Variants in TRPM3 observed in about 807,000 individuals in gnomAD.
TRPM3 encodes long transient receptor potential channel 3.
In TRPM3, 77 loss-of-function variants were observed where a neutral mutation model predicts 181.2. The ratio of observed to expected loss-of-function variants is 0.42; its 90% CI spans 0.35 to 0.51. The LOEUF is 0.51. Ranked by LOEUF, TRPM3 falls within the 20% of genes least tolerant of loss-of-function variation. TRPM3 has a pLI of 0.01. For missense variants in TRPM3, 1,759 were observed against 2,196.7 expected (o/e 0.80, Z 3.98); for synonymous variants, 745 against 796.4 (o/e 0.94, Z 1.09).
At chr9:70,549,263 C>T (rs1442638770) in intron 25 of TRPM3, among the ~76,000 whole-genome samples, 1 of 152,164 alleles carries the variant, frequency 6.6e-6, no homozygotes, top group Non-Finnish European at 1.5e-5. Flanking sequence ...AATTTCTGAT[C>T]TGAGCCAGCA....
chr9:71,304,487 T>G (rs996625783), intron 1 of TRPM3, among the ~76,000 whole-genome samples: 1 of 152,170 alleles, frequency 6.6e-6, no homozygotes, highest in African/African-American at 2.4e-5. Context: ...TCAATAAGAA[T>G]TAAGGTTTAC....
intron 1 of TRPM3, among the ~76,000 whole-genome samples, chr9:71,429,052 C>T (rs551548931): frequency 6.6e-6 from 1 of 151,880 alleles, no homozygotes; most frequent in East Asian, 1.9e-4. Context: ...TGGTTAATCT[C>T]ATTTTTGTCC....
In TRPM3 at chr9:71,370,093, T is replaced by G. The variant is rs1483438200; in HGVS notation, c.183+76560A>C. On this transcript the variant is annotated intron_variant, in intron 1 of 24. Coordinates refer to the TRPM3 transcript ENST00000357533. The stretch of plus-strand genomic sequence containing the variant: ...AGTTAATTGATAAATTCGTGTGTTC[T>G]GACTGCTTCATCTATCAGCCATTCC... Among the ~76,000 whole-genome samples the G allele has an allele frequency of 2.6e-5, 4 of 152,228 alleles. No homozygotes were observed. The South Asian group carries it at 6.2e-4, about 24-fold the overall frequency.
chr9:70,893,506 A>G (rs1446108638), intron 1 of TRPM3, among the ~76,000 whole-genome samples: 1 of 152,206 alleles, frequency 6.6e-6, no homozygotes, highest in Non-Finnish European at 1.5e-5. Context: ...AGTATAACAT[A>G]AATATCCAAT....
At chr9:70,816,643 T>C (rs1384781718) in intron 6 of TRPM3, among the ~76,000 whole-genome samples, 1 of 152,194 alleles carries the variant, frequency 6.6e-6, no homozygotes, top group Non-Finnish European at 1.5e-5. Context: ...ACATCAAAAG[T>C]ACAGTGTCAT....
chr9:71,291,681 G>GA (rs1447291737), intron 1 of TRPM3, among the ~76,000 whole-genome samples: 1 of 151,702 alleles, frequency 6.6e-6, no homozygotes, highest in Admixed American at 6.6e-5. Context: ...CCCTACAAAA[G>GA]AAAAAATAAT....
At chr9:71,163,580 T>C (rs878926174) in intron 1 of TRPM3, among the ~76,000 whole-genome samples, 1 of 152,058 alleles carries the variant, frequency 6.6e-6, no homozygotes, top group African/African-American at 2.4e-5. Flanking sequence ...AAACAGAGAG[T>C]TGGACATGTG....
At chr9:71,084,248 C>T (rs760424935) in intron 1 of TRPM3, among the ~76,000 whole-genome samples, 1 of 151,830 alleles carries the variant, frequency 6.6e-6, no homozygotes, top group Non-Finnish European at 1.5e-5. Flanking sequence ...AACAATGAGC[C>T]ACGTAGTATA....
Position 70,784,144 on chromosome 9 carries a change from T to C in TRPM3, c.1109A>G (p.Asp370Gly). Reference protein sequence around the residue: ...VVCDGSGRASDILAFGHKYSE... With the variant: ...VVCDGSGRASGILAFGHKYSE... ...GTATTTATGCCCAAAGGCCAGGATG[T>C]CCGATGCCCGTCCACTCCCATCACA... The change falls in exon 7 of 26, where the codon GAC (aspartate) becomes GGC (glycine). Residue 370 changes from aspartate to glycine, a missense_variant. Physicochemically the swap from Asp to Gly is moderately conservative, Grantham distance 94. Transcript: ENST00000677713. 2.5e-6 allele frequency: 4 copies of C among 1,613,670 alleles called. No individual in the cohort carries two copies. The highest frequency in any genetic ancestry group is 3.4e-6 in the Non-Finnish European group (4 of 1,179,774).
intron 1 of TRPM3, among the ~76,000 whole-genome samples, chr9:71,179,566 A>T (rs1227505470): frequency 6.6e-6 from 1 of 152,186 alleles, no homozygotes; most frequent in East Asian, 1.9e-4. Context: ...TTCTGAACAA[A>T]TTAGATTTTG....
intron 8 of TRPM3, among the ~76,000 whole-genome samples, chr9:70,695,146 A>G (rs1283299698): frequency 1.3e-5 from 2 of 152,100 alleles, no homozygotes. Flanking sequence ...TGTATTTTAT[A>G]CTCTGGCTCA....
chr9:70,923,894 A>G (rs1478820986), intron 1 of TRPM3, among the ~76,000 whole-genome samples: 1 of 150,100 alleles, frequency 6.7e-6, no homozygotes, highest in Non-Finnish European at 1.5e-5. Context: ...ACACACATAT[A>G]TACATACACA....
At chr9:71,423,658 G>T (rs2093815475) in intron 1 of TRPM3, among the ~76,000 whole-genome samples, 2 of 152,036 alleles carry the variant, frequency 1.3e-5, no homozygotes, top group South Asian at 4.1e-4. Context: ...TTGGAACTAT[G>T]AAATTTAAGA....
chr9:70,989,036 A>G (rs2097450350), intron 1 of TRPM3, among the ~76,000 whole-genome samples: 1 of 152,180 alleles, frequency 6.6e-6, no homozygotes, highest in Non-Finnish European at 1.5e-5. Flanking sequence ...GCAGAACCCA[A>G]TCATGCTGTG....
chr9:70,656,931 T>G (rs550564113), intron 9 of TRPM3, among the ~76,000 whole-genome samples: 2 of 125,408 alleles, frequency 1.6e-5, no homozygotes, highest in East Asian at 5.0e-4. Context: ...AAAAAGTGTT[T>G]TTTTTTTGGT....
intron 1 of TRPM3, among the ~76,000 whole-genome samples, chr9:71,332,734 A>G (rs2090295869): frequency 6.6e-6 from 1 of 151,840 alleles, no homozygotes; most frequent in Non-Finnish European, 1.5e-5. Context: ...TCTTAAAAAG[A>G]TCAGTGCAAT....
rs2078155131 is a variant in TRPM3, at chr9:70,761,575, CT to C, written c.1272+25del. The C allele has an allele frequency of 1.9e-6, 3 of 1,613,776 alleles. No homozygotes were observed. The African/African-American group carries it at 4.0e-5, about 22-fold the overall frequency. On this transcript the variant is annotated intron_variant, in intron 8 of 25. Transcript: ENST00000677713. ...AAAATGACTGAAAATGTGGAGACAGCTGGCCACCCATGCGGAATTACCTACC... is the reference window on the plus strand; with the variant it reads ...AAAATGACTGAAAATGTGGAGACAGCGGCCACCCATGCGGAATTACCTACC...
intron 1 of TRPM3, among the ~76,000 whole-genome samples, chr9:71,142,505 TATATACACACATAC>T (rs1375703502): frequency 3.3e-5 from 5 of 152,066 alleles, no homozygotes; most frequent in Non-Finnish European, 5.9e-5. Context: ...TATACACACG[TATATACACACATAC>T]ATATATACAC....
At chr9:71,145,949 T>C (rs2075379813) in intron 1 of TRPM3, among the ~76,000 whole-genome samples, 1 of 151,954 alleles carries the variant, frequency 6.6e-6, no homozygotes, top group Admixed American at 6.6e-5. Flanking sequence ...CTAAGAAAAA[T>C]AATCTGCCTA....
Sources: allele counts gnomAD v4.1 joint callset (sites outside exome capture counted in the v4.1 genomes callset), GRCh38; gene constraint gnomAD v4.1.1; transcripts MANE v1.5; gene names NCBI Gene and HGNC (gene_info 2026-07-23, HGNC 2026-07-21).